Variants in AFM observed in about 807,000 individuals in gnomAD.
AFM encodes alpha-Alb.
A neutral mutation model predicts 68.7 loss-of-function variants in AFM; 82 were observed. The observed-to-expected ratio is 1.19, with a 90% CI of 1.00 to 1.43. The LOEUF (loss-of-function observed/expected upper bound fraction) is 1.43. Among genes scored for constraint, AFM ranks in the 40% most tolerant of loss-of-function variants. The pLI, the probability that AFM is intolerant of heterozygous loss-of-function variation, is 0.00. For synonymous variants in AFM, 250 were observed against 234.2 expected (o/e 1.07, Z -0.61); for missense variants, 772 against 701.8 (o/e 1.10, Z -1.13).
intron 7 of AFM, among the ~76,000 whole-genome samples, chr4:73,489,557 T>C (rs1359009509): frequency 6.6e-6 from 1 of 152,226 alleles, no homozygotes; most frequent in Admixed American, 6.5e-5. Flanking sequence ...TGGTATGAAT[T>C]CATCATTGAA....
In AFM at chr4:73,499,215, T is replaced by C. The variant is rs1305597859; in HGVS notation, c.1391T>C (p.Leu464Pro). 1.9e-6 allele frequency: 3 copies of C among 1,612,024 alleles called. No homozygotes were observed. Among genetic ancestry groups the C allele is most frequent in the Non-Finnish European group, 2.5e-6 (3 of 1,179,012 alleles). ...ACAGCTTTCACTACTTGCTGTACGCTAAGTGAAGAGTTTGCCTGTGTTGAT... is the reference window on the plus strand; with the variant it reads ...ACAGCTTTCACTACTTGCTGTACGCCAAGTGAAGAGTTTGCCTGTGTTGAT... ...MVTAFTTCCT[L>P]SEEFACVDNL... Residue 464 changes from leucine to proline, a missense_variant, in exon 11 of 15, where the codon CTA becomes CCA. Physicochemically the swap from Leu to Pro is moderately conservative, Grantham distance 98 (BLOSUM62 -3). Transcript: ENST00000226355.
intron 9 of AFM, among the ~76,000 whole-genome samples, chr4:73,497,207 A>G (rs1234743458): frequency 1.3e-5 from 2 of 152,200 alleles, no homozygotes; most frequent in Non-Finnish European, 1.5e-5. Context: ...TGAAAAAATC[A>G]AAAAGAGCAA....
rs1340758241 is a variant in AFM at position 73,488,692 on chromosome 4, T to C, written c.776T>C (p.Val259Ala). ...GAATTTAAGGAGCTTATTTCTCTTG[T>C]AGAAGATGTTTCTTCCAACTATGAT... is the stretch of plus-strand genomic sequence containing the variant. ...KIEFKELISL[V>A]EDVSSNYDGC... The change falls in exon 7 of 15, where the codon GTA becomes GCA. Residue 259 changes from valine to alanine, a missense_variant. Val to Ala is a moderately conservative substitution (Grantham distance 64). Coordinates refer to ENST00000226355, the MANE Select transcript of AFM (RefSeq NM_001133.2). The C allele has an allele frequency of 5.0e-6, 8 of 1,613,114 alleles. No homozygotes were observed. In the African/African-American group the frequency reaches 9.3e-5, roughly 19 times the overall value.
chr4:73,498,100 A>G lies in AFM; in HGVS notation c.1289+351A>G, dbSNP rs1417284368. ...TCATTACAGTTTCTTTGGGGAAGAG[A>G]TAGTTTGCCTTGCCTTGCCTTACGG... On this transcript the variant is annotated intron_variant, in intron 10 of 14. Coordinates refer to ENST00000226355, the MANE Select transcript of AFM (RefSeq NM_001133.2). Among the ~76,000 whole-genome samples, 80 of 152,160 alleles carry G rather than the reference A, an allele frequency of 5.3e-4. 1 individual carries two copies. Among genetic ancestry groups the G allele is most frequent in the Non-Finnish European group, 2.9e-5 (2 of 68,038 alleles).
Position 73,491,780 on chromosome 4 carries a change from T to C in AFM, c.844-92T>C, listed in dbSNP as rs543866488. 1.1e-5 allele frequency: 11 copies of C among 1,027,494 alleles called. No individual in the cohort carries two copies. The Admixed American group carries it at 2.1e-4, about 19-fold the overall frequency. 63.6% of individuals were successfully genotyped at this position (1,027,494 alleles called of 1,614,324 possible). The stretch of plus-strand genomic sequence containing the variant: ...TAATTGATGAAGTGATTCCAGATGC[T>C]GCGATCATGACTGGTTTTGCATGCC... On this transcript the variant is annotated intron_variant, in intron 7 of 14. Coordinates refer to ENST00000226355, the MANE Select transcript of AFM (RefSeq NM_001133.2).
intron 13 of AFM, 74 bp from the exon 14 acceptor site, chr4:73,502,976 C>T (rs1385795324): frequency 2.2e-6 from 3 of 1,337,788 alleles, no homozygotes; most frequent in Non-Finnish European, 1.1e-6. Context: ...TTCAGGAAAA[C>T]ATGCTTATCT....
intron 3 of AFM, 124 bp downstream of exon 3, chr4:73,484,514 C>A: frequency 4.1e-6 from 3 of 731,258 alleles, no homozygotes; most frequent in Non-Finnish European, 5.9e-6. Flanking sequence ...TTCATTCTTT[C>A]TTTCTTCTTT....
In AFM at chr4:73,500,188, G is replaced by T; in HGVS notation, c.1607G>T (p.Cys536Phe). The T allele has an allele frequency of 8.1e-6, 13 of 1,613,642 alleles. No homozygotes were observed. The highest frequency in any genetic ancestry group is 1.1e-5 in the Non-Finnish European group (13 of 1,179,822). The stretch of plus-strand genomic sequence containing the variant: ...TTATTTACCTTTCACGCAGACATGT[G>T]TCAATCTCAGAATGAGGAGCTTCAG... ...QDLFTFHADMCQSQNEELQRK... is the reference protein window; with the variant it reads ...QDLFTFHADMFQSQNEELQRK... Residue 536 changes from cysteine (C) to phenylalanine (F), a missense_variant, in exon 12 of 15, where the codon TGT (cysteine) becomes TTT (phenylalanine). Transcript: ENST00000226355.
intron 10 of AFM, among the ~76,000 whole-genome samples, 195 bp from the exon 11 acceptor site, chr4:73,498,919 T>TA (rs1023391914): frequency 1.3e-5 from 2 of 152,090 alleles, no homozygotes; most frequent in African/African-American, 4.8e-5. Context: ...GAAAGGAAGC[T>TA]AAAATAGATA....
In AFM at chr4:73,497,758, T is replaced by C; in HGVS notation, c.1289+9T>C. On this transcript the variant is annotated intron_variant, in intron 10 of 14. Coordinates refer to ENST00000226355, the MANE Select transcript of AFM (RefSeq NM_001133.2). ...GATGGTTTGAAATACCAGTATGTTG[T>C]TTGCACAAGTGGGCTAACACTTGCC... is the stretch of plus-strand genomic sequence containing the variant. The C allele has an allele frequency of 6.5e-7, 1 of 1,544,520 alleles. No homozygotes were observed. The highest frequency in any genetic ancestry group is 1.1e-5 in the South Asian group (1 of 87,208).
chr4:73,503,018 C>A (rs1244378765), intron 13 of AFM, 32 bp from the exon 14 acceptor site: 1 of 1,608,552 alleles, frequency 6.2e-7, no homozygotes, highest in Admixed American at 1.7e-5. Flanking sequence ...ATTTTTCTTC[C>A]TATGTGTTTT....
intron 11 of AFM, 30 bp from the exon 12 acceptor site, chr4:73,499,974 G>A (rs376315323): frequency 2.0e-5 from 31 of 1,562,236 alleles, no homozygotes; most frequent in African/African-American, 1.4e-4. Context: ...TTTTAAGATC[G>A]TATCTCAGTT....
chr4:73,483,632 TTAGCA>T (rs2149342201), intron 1 of AFM, among the ~76,000 whole-genome samples: 1 of 152,336 alleles, frequency 6.6e-6, no homozygotes, highest in Non-Finnish European at 1.5e-5. Context: ...TGATAGACAT[TTAGCA>T]TGGTAATGTA....
chr4:73,489,810 A>T (rs1560410447), intron 7 of AFM, among the ~76,000 whole-genome samples: 2 of 152,316 alleles, frequency 1.3e-5, no homozygotes, highest in South Asian at 2.1e-4. Context: ...AACACAGGCC[A>T]GGGCCTGTTG....
intron 4 of AFM, among the ~76,000 whole-genome samples, chr4:73,486,642 T>C (rs1263435969): frequency 2.0e-5 from 3 of 152,204 alleles, no homozygotes; most frequent in Non-Finnish European, 2.9e-5. Context: ...AGCATGTGGA[T>C]GGAAGGACAA....
At chr4:73,482,663 T>G (rs1048644009) in intron 1 of AFM, among the ~76,000 whole-genome samples, 4 of 152,220 alleles carry the variant, frequency 2.6e-5, no homozygotes, top group African/African-American at 9.6e-5. Flanking sequence ...GTATCTATAT[T>G]TTCCTTTTCA....
chr4:73,500,414 G>C (rs1195417588), intron 12 of AFM, among the ~76,000 whole-genome samples, 187 bp downstream of exon 12: 1 of 151,458 alleles, frequency 6.6e-6, no homozygotes, highest in South Asian at 2.1e-4. Flanking sequence ...TTTATATCTA[G>C]CTTGTCTTTT....
rs1720801461 is a variant in AFM, at chr4:73,484,310, G to T, written c.190G>T (p.Glu64Ter). The change falls in exon 3 of 15, where the codon GAA (glutamate) becomes TAA (stop). Residue 64 changes from glutamate to a stop codon, truncating the protein, a stop_gained. Coordinates refer to ENST00000226355, the MANE Select transcript of AFM (RefSeq NM_001133.2). LOFTEE classifies it high-confidence loss of function. The part of the protein sequence containing the change: ...YVQEATFEEM[E>*]KLVKDMVEYK... ...TCAGGAAGCAACCTTTGAAGAAATG[G>T]AAAAGCTGGTGAAAGACATGGTAGA... The T allele has an allele frequency of 5.6e-6, 9 of 1,613,460 alleles. No individual in the cohort carries two copies. The highest frequency in any genetic ancestry group is 7.6e-6 in the Non-Finnish European group (9 of 1,179,770).
intron 7 of AFM, among the ~76,000 whole-genome samples, chr4:73,490,589 T>G (rs987458424): frequency 6.6e-6 from 1 of 152,022 alleles, no homozygotes; most frequent in African/African-American, 2.4e-5. Flanking sequence ...CCCGCTAATG[T>G]TTTTTGTATT....
Sources: allele counts gnomAD v4.1 joint callset (sites outside exome capture counted in the v4.1 genomes callset), GRCh38; gene constraint gnomAD v4.1.1; transcripts MANE v1.5; gene names NCBI Gene and HGNC (gene_info 2026-07-23, HGNC 2026-07-21).